The following NF1 variants were observed in gnomAD, a reference collection of about 807,000 sequenced individuals.
The protein encoded by NF1 is neurofibromin 1.
NF1 carries 122 observed loss-of-function variants against 325.7 expected under a neutral mutation model. The ratio of observed to expected loss-of-function variants is 0.37; its 90% CI spans 0.32 to 0.44. NF1 has a LOEUF of 0.44. NF1 is among the 20% of genes least tolerant of loss of function. The pLI is 1.00. For synonymous variants in NF1, 1,091 were observed against 1,186.0 expected (o/e 0.92, Z 1.65); for missense variants, 2,140 against 3,415.4 (o/e 0.63, Z 9.31).
intron 57 of NF1, among the ~76,000 whole-genome samples, chr17:31,363,159 T>C (rs2070435247): frequency 6.6e-6 from 1 of 152,170 alleles, no homozygotes; most frequent in Non-Finnish European, 1.5e-5. Context: ...TGTCACTCAA[T>C]TGTGTGTCAT....
intron 8 of NF1, among the ~76,000 whole-genome samples, chr17:31,184,639 C>A (rs571299478): frequency 1.7e-4 from 24 of 142,930 alleles, no homozygotes; most frequent in African/African-American, 6.0e-4. Flanking sequence ...GACAGCGAGA[C>A]TCCGTCTCAA....
intron 13 of NF1, among the ~76,000 whole-genome samples, chr17:31,218,268 C>T (rs1597702453): frequency 6.6e-6 from 1 of 152,068 alleles, no homozygotes; most frequent in Admixed American, 6.6e-5. Context: ...AAAAATTATT[C>T]CTCATATTGT....
intron 1 of NF1, among the ~76,000 whole-genome samples, chr17:31,152,556 A>T (rs1917021619): frequency 1.4e-5 from 2 of 144,884 alleles, no homozygotes; most frequent in African/African-American, 2.6e-5. Flanking sequence ...CTTTTTTTTC[A>T]ACATTTGTTT....
At chr17:31,160,081 A>G (rs1011244669) in intron 3 of NF1, among the ~76,000 whole-genome samples, 1 of 152,102 alleles carries the variant, frequency 6.6e-6, no homozygotes, top group African/African-American at 2.4e-5. Flanking sequence ...TGTAAGCATA[A>G]TATGTATATA....
At chr17:31,143,328 G>T (rs1282843017) in intron 1 of NF1, among the ~76,000 whole-genome samples, 1 of 151,924 alleles carries the variant, frequency 6.6e-6, no homozygotes, top group African/African-American at 2.4e-5. Flanking sequence ...GTGCTGTGGC[G>T]CAATTATGGC....
intron 12 of NF1, among the ~76,000 whole-genome samples, chr17:31,212,258 TCTG>T (rs1172617874): frequency 6.6e-6 from 1 of 152,188 alleles, no homozygotes; most frequent in Non-Finnish European, 1.5e-5. Flanking sequence ...CACCTCCACA[TCTG>T]CTCCCATTGG....
intron 1 of NF1, among the ~76,000 whole-genome samples, chr17:31,149,512 C>T (rs1455377888): frequency 6.6e-6 from 1 of 152,140 alleles, no homozygotes; most frequent in African/African-American, 2.4e-5. Context: ...GTTGGCCAGG[C>T]TGGTCTCGAT....
chr17:31,142,189 T>A lies in NF1; in HGVS notation c.61-13794T>A, dbSNP rs76186943. ...GTTTGTTGAAATCTTACATCTTAAG[T>A]TGCTGATAGTTTGTTAATAGAGATC... On this transcript the variant is annotated intron_variant, in intron 1 of 57. Coordinates refer to ENST00000358273, the MANE Select transcript of NF1 (RefSeq NM_001042492.3). 6.9e-3 allele frequency among the ~76,000 whole-genome samples: 1,045 copies of A among 152,366 alleles called. 14 individuals are homozygous for A. Among genetic ancestry groups the A allele is most frequent in the African/African-American group, 0.024 (983 of 41,590 alleles).
intron 36 of NF1, among the ~76,000 whole-genome samples, chr17:31,317,078 A>G (rs867097777): frequency 6.6e-6 from 1 of 152,128 alleles, no homozygotes; most frequent in Non-Finnish European, 1.5e-5. Flanking sequence ...TAGAAGGGAG[A>G]GTAAGATTGT....
At chr17:31,214,854 T>A (rs180683992) in intron 13 of NF1, among the ~76,000 whole-genome samples, 1 of 152,184 alleles carries the variant, frequency 6.6e-6, no homozygotes, top group Admixed American at 6.5e-5. Flanking sequence ...TTTGATGAGA[T>A]CTCTGTTCTC....
At chr17:31,217,993 C>T (rs767448272) in intron 13 of NF1, among the ~76,000 whole-genome samples, 1 of 149,506 alleles carries the variant, frequency 6.7e-6, no homozygotes, top group African/African-American at 2.5e-5. Context: ...CGTTAATTTT[C>T]TTTGCTTAGT....
intron 21 of NF1, 109 bp from the exon 22 acceptor site, chr17:31,229,726 C>T: frequency 1.4e-6 from 2 of 1,387,322 alleles, no homozygotes; most frequent in South Asian, 2.3e-5. Context: ...GGCTCTATGC[C>T]TGTGGGTGCA....
rs375758486 is a variant in NF1 at position 31,261,703 on chromosome 17, G to C, written c.4578-8G>C. 2 of 1,611,952 alleles carry C rather than the reference G, an allele frequency of 1.2e-6. No homozygotes were observed. The highest frequency in any genetic ancestry group is 2.3e-4 in the Middle Eastern group (1 of 4,444). The stretch of plus-strand genomic sequence containing the variant: ...TAATTTTTTTTCTAAGTAGTTTGCT[G>C]TATCTAGGGATCATAAAGCTGTTGG... On this transcript the variant is annotated splice_polypyrimidine_tract_variant and splice_region_variant and intron_variant, in intron 34 of 57. Coordinates refer to ENST00000358273, the MANE Select transcript of NF1 (RefSeq NM_001042492.3).
rs752480888 is a variant in NF1 at position 31,326,163 on chromosome 17, C to T, written c.5179C>T (p.Pro1727Ser). ...EHIEHEQQKL[P>S]AATLALEEDL... The stretch of plus-strand genomic sequence containing the variant: ...CATAGAGCATGAACAACAGAAACTA[C>T]CTGCTGCCACCTTGGCTTTAGAAGA... Residue 1727 changes from proline to serine, a missense_variant, in exon 37 of 58, where the codon CCT (proline) becomes TCT (serine). Coordinates refer to ENST00000358273, the MANE Select transcript of NF1 (RefSeq NM_001042492.3). 1.9e-6 allele frequency: 3 copies of T among 1,612,918 alleles called. No individual in the cohort carries two copies. Among genetic ancestry groups the T allele is most frequent in the East Asian group, 2.2e-5 (1 of 44,878 alleles).
chr17:31,295,379 A>G (rs772483242), intron 36 of NF1: 2 of 1,614,168 alleles, frequency 1.2e-6, no homozygotes, highest in Non-Finnish European at 1.7e-6. Context: ...GTCTTTGCTT[A>G]GAGTGGCACC....
chr17:31,120,215 A>G (rs930105056), intron 1 of NF1, among the ~76,000 whole-genome samples: 2 of 152,210 alleles, frequency 1.3e-5, no homozygotes, highest in African/African-American at 4.8e-5. Flanking sequence ...AGCCATTTTC[A>G]TGATATCGAT....
At chr17:31,226,989 C>T (rs2067026336) in intron 18 of NF1, among the ~76,000 whole-genome samples, 1 of 152,078 alleles carries the variant, frequency 6.6e-6, no homozygotes, top group Admixed American at 6.6e-5. Flanking sequence ...CAAACATTGG[C>T]GTATGTTTTG....
At chr17:31,217,773 T>G (rs911023193) in intron 13 of NF1, among the ~76,000 whole-genome samples, 1 of 150,992 alleles carries the variant, frequency 6.6e-6, no homozygotes, top group African/African-American at 2.4e-5. Context: ...GAGACCAGCC[T>G]GGCCAACATG....
At chr17:31,139,746 G>A (rs1916077799) in intron 1 of NF1, among the ~76,000 whole-genome samples, 1 of 152,158 alleles carries the variant, frequency 6.6e-6, no homozygotes, top group Admixed American at 6.5e-5. Flanking sequence ...AAAGGAAAGA[G>A]GCTGCTGGTT....
Sources: gnomAD v4.1 joint callset for allele counts (sites outside exome capture counted in the v4.1 genomes callset) on GRCh38, gnomAD v4.1.1 for gene constraint, MANE v1.5 for transcripts, NCBI Gene and HGNC (gene_info 2026-07-23, HGNC 2026-07-21) for gene names.